Variants in TMEM132D observed in about 807,000 individuals in gnomAD.
TMEM132D encodes transmembrane protein 132D.
In TMEM132D, 21 loss-of-function variants were observed where a neutral mutation model predicts 62.3. That is an observed-to-expected ratio of 0.34 (90% CI 0.24 to 0.49). The LOEUF (loss-of-function observed/expected upper bound fraction) is 0.49, where lower values mean the gene tolerates loss of function less well. TMEM132D is among the 20% of genes least tolerant of loss of function. The probability of loss-of-function intolerance (pLI) is 0.99; values close to 1 mark genes in which losing one functional copy is unlikely to be tolerated. For missense variants in TMEM132D, 1,346 were observed against 1,402.8 expected (o/e 0.96, Z 0.65); for synonymous variants, 621 against 575.6 (o/e 1.08, Z -1.13).
Position 129,581,542 on chromosome 12 carries a change from A to G in TMEM132D, c.969-50337T>C, listed in dbSNP as rs1437599891. 2.0e-5 allele frequency among the ~76,000 whole-genome samples: 3 copies of G among 152,220 alleles called. No individual in the cohort carries two copies. The South Asian group carries it at 6.2e-4, about 31-fold the overall frequency. Reference sequence around the variant, plus strand: ...AGAGCCCCTGGCAAACTACTAGTGTAGGTCCAAGAGTCCAAAAGCTGAAGA... The same window carrying G: ...AGAGCCCCTGGCAAACTACTAGTGTGGGTCCAAGAGTCCAAAAGCTGAAGA... On this transcript the variant is annotated intron_variant, in intron 2 of 8. Coordinates refer to ENST00000422113, the MANE Select transcript of TMEM132D (RefSeq NM_133448.3).
At chr12:129,192,134 C>G (rs1349931585) in intron 5 of TMEM132D, among the ~76,000 whole-genome samples, 1 of 152,160 alleles carries the variant, frequency 6.6e-6, no homozygotes, top group Non-Finnish European at 1.5e-5. Context: ...GGCTGGACCT[C>G]GAATGGTTCC....
intron 3 of TMEM132D, among the ~76,000 whole-genome samples, chr12:129,462,497 C>A (rs1456927680): frequency 6.6e-6 from 1 of 152,130 alleles, no homozygotes; most frequent in Non-Finnish European, 1.5e-5. Flanking sequence ...GATAAAAATT[C>A]CACAGTGCTT....
At chr12:129,503,390 T>C (rs1875215898) in intron 3 of TMEM132D, among the ~76,000 whole-genome samples, 1 of 152,178 alleles carries the variant, frequency 6.6e-6, no homozygotes, top group Non-Finnish European at 1.5e-5. Context: ...TATCTTTGTT[T>C]AGGGGACTGG....
chr12:129,880,526 T>C (rs145381081), intron 1 of TMEM132D, among the ~76,000 whole-genome samples: 3,140 of 152,260 alleles, frequency 0.021, 59 homozygotes, highest in Non-Finnish European at 0.031. Flanking sequence ...ATAACAACAA[T>C]GTATTTTGGG....
At chr12:129,075,545 T>C (rs969480182) in intron 8 of TMEM132D, among the ~76,000 whole-genome samples, 1 of 152,148 alleles carries the variant, frequency 6.6e-6, no homozygotes, top group African/African-American at 2.4e-5. Flanking sequence ...AAGCCTCTGA[T>C]CTAGATGAGG....
At chr12:129,503,095 T>C (rs924711049) in intron 3 of TMEM132D, among the ~76,000 whole-genome samples, 2 of 152,208 alleles carry the variant, frequency 1.3e-5, no homozygotes, top group Non-Finnish European at 2.9e-5. Flanking sequence ...TTAAAAGTCA[T>C]AGATGCTCAG....
chr12:129,246,468 C>A (rs1235370985), intron 4 of TMEM132D, among the ~76,000 whole-genome samples: 1 of 152,040 alleles, frequency 6.6e-6, no homozygotes, highest in African/African-American at 2.4e-5. Flanking sequence ...AAAGTGTGCA[C>A]CTGGGGGCTG....
At chr12:129,118,109 C>A (rs980003502) in intron 5 of TMEM132D, among the ~76,000 whole-genome samples, 4 of 152,204 alleles carry the variant, frequency 2.6e-5, no homozygotes, top group East Asian at 1.9e-4. Flanking sequence ...ATAATGGCCA[C>A]CTTGGTATGT....
At chr12:129,654,958 T>C (rs564178154) in intron 2 of TMEM132D, among the ~76,000 whole-genome samples, 1 of 152,118 alleles carries the variant, frequency 6.6e-6, no homozygotes, top group Non-Finnish European at 1.5e-5. Context: ...CTTTTTTTTT[T>C]CCTTTTTGAG....
At chr12:129,687,718 A>C (rs1188980769) in intron 2 of TMEM132D, among the ~76,000 whole-genome samples, 1 of 152,054 alleles carries the variant, frequency 6.6e-6, no homozygotes, top group African/African-American at 2.4e-5. Context: ...TGCAAAACTC[A>C]GTTTAGGCTT....
intron 3 of TMEM132D, among the ~76,000 whole-genome samples, chr12:129,373,207 TG>T (rs1275753109): frequency 1.3e-5 from 2 of 152,160 alleles, no homozygotes; most frequent in Non-Finnish European, 2.9e-5. Context: ...ATCCTTCTAA[TG>T]GACTTGACTC....
At chr12:129,195,690 T>C (rs1205837901) in intron 5 of TMEM132D, among the ~76,000 whole-genome samples, 1 of 152,204 alleles carries the variant, frequency 6.6e-6, no homozygotes, top group Non-Finnish European at 1.5e-5. Context: ...TTAAGCATAA[T>C]TGAAGTGACT....
intron 3 of TMEM132D, among the ~76,000 whole-genome samples, chr12:129,502,191 G>A (rs1289078629): frequency 2.6e-5 from 4 of 151,952 alleles, no homozygotes; most frequent in African/African-American, 9.7e-5. Context: ...AGTAGAGACG[G>A]GGTTTCACTG....
chr12:129,557,746 G>T (rs1401956262), intron 2 of TMEM132D, among the ~76,000 whole-genome samples: 1 of 152,122 alleles, frequency 6.6e-6, no homozygotes, highest in African/African-American at 2.4e-5. Context: ...GCATGGACAA[G>T]TGATGGTTCT....
chr12:129,395,745 A>G (rs1871407088), intron 3 of TMEM132D, among the ~76,000 whole-genome samples: 1 of 149,210 alleles, frequency 6.7e-6, no homozygotes, highest in Non-Finnish European at 1.5e-5. Context: ...AGATATCTAT[A>G]TATCTATAGA....
At chr12:129,175,032 C>A (rs910780510) in intron 5 of TMEM132D, among the ~76,000 whole-genome samples, 2 of 152,118 alleles carry the variant, frequency 1.3e-5, no homozygotes, top group Non-Finnish European at 2.9e-5. Flanking sequence ...GTTGCCTGTT[C>A]ACTCTTATGA....
chr12:129,641,103 T>C (rs1184047888), intron 2 of TMEM132D, among the ~76,000 whole-genome samples: 3 of 152,124 alleles, frequency 2.0e-5, no homozygotes, highest in Non-Finnish European at 2.9e-5. Flanking sequence ...GCACAATAAA[T>C]GTAAAGTGCT....
intron 5 of TMEM132D, among the ~76,000 whole-genome samples, chr12:129,169,243 G>C (rs892992850): frequency 2.0e-5 from 3 of 151,984 alleles, no homozygotes; most frequent in Non-Finnish European, 4.4e-5. Flanking sequence ...TGGGGGTCCT[G>C]CTCTGAGAAG....
rs184668528 is a variant in TMEM132D at position 129,753,885 on chromosome 12, C to T, written c.80-53187G>A. Among the ~76,000 whole-genome samples the T allele has an allele frequency of 7.4e-4, 112 of 152,270 alleles. 1 individual carries two copies. The highest frequency in any genetic ancestry group is 6.6e-4 in the Non-Finnish European group (45 of 68,014). On this transcript the variant is annotated intron_variant, in intron 1 of 8. Coordinates refer to ENST00000422113, the MANE Select transcript of TMEM132D (RefSeq NM_133448.3). Reference sequence around the variant, plus strand: ...CTTTCTCATCTTTGTCATAACCTTTCGCTTCATTCCTTTTCCTGATGTCTT... The same window carrying T: ...CTTTCTCATCTTTGTCATAACCTTTTGCTTCATTCCTTTTCCTGATGTCTT...
Sources: gnomAD v4.1 joint callset for allele counts (sites outside exome capture counted in the v4.1 genomes callset) on GRCh38, gnomAD v4.1.1 for gene constraint, MANE v1.5 for transcripts, NCBI Gene and HGNC (gene_info 2026-07-23, HGNC 2026-07-21) for gene names.